Variants in DYNC1LI1 observed in about 807,000 individuals in gnomAD.
The protein encoded by DYNC1LI1 is cytoplasmic dynein 1 light intermediate chain 1.
Under a neutral mutation model 63.8 loss-of-function variants are expected in DYNC1LI1, and 19 were observed. The ratio of observed to expected loss-of-function variants is 0.30; its 90% CI spans 0.21 to 0.44. The LOEUF is 0.44. DYNC1LI1 is among the 20% of genes least tolerant of loss of function. The pLI is 1.00. For missense variants in DYNC1LI1, 565 were observed against 630.2 expected (o/e 0.90, Z 1.11); for synonymous variants, 225 against 232.3 (o/e 0.97, Z 0.28).
At chr3:32,553,586 T>C (rs952092737) in intron 2 of DYNC1LI1, among the ~76,000 whole-genome samples, 1 of 152,240 alleles carries the variant, frequency 6.6e-6, no homozygotes, top group African/African-American at 2.4e-5. Context: ...ACTAGAATTA[T>C]GTCCCTTCGC....
chr3:32,545,456 A>C (rs1427792274), intron 3 of DYNC1LI1: 1 of 338,252 alleles, frequency 3.0e-6, no homozygotes, highest in Non-Finnish European at 5.4e-6. Context: ...ATCATATACA[A>C]AAATGAGAAG....
intron 6 of DYNC1LI1, among the ~76,000 whole-genome samples, chr3:32,534,904 T>C (rs1697754527): frequency 6.6e-6 from 1 of 152,188 alleles, no homozygotes; most frequent in Non-Finnish European, 1.5e-5. Context: ...TAAAGGTAAA[T>C]CTAGAAATAC....
chr3:32,538,034 A>ATAATTTATT (rs1491520089), intron 5 of DYNC1LI1, among the ~76,000 whole-genome samples: 1 of 10,092 alleles, frequency 9.9e-5, no homozygotes, highest in Non-Finnish European at 1.3e-4. Flanking sequence ...TTATATATAT[A>ATAATTTATT]ATATATATAT....
intron 2 of DYNC1LI1, among the ~76,000 whole-genome samples, chr3:32,557,894 A>AGACTG (rs1406804676): frequency 6.6e-6 from 1 of 152,240 alleles, no homozygotes; most frequent in Non-Finnish European, 1.5e-5. Flanking sequence ...CTGTTCAAAC[A>AGACTG]GACTGGATGA....
chr3:32,546,802 T>C (rs1447575753), intron 2 of DYNC1LI1, among the ~76,000 whole-genome samples: 1 of 151,862 alleles, frequency 6.6e-6, no homozygotes, highest in Non-Finnish European at 1.5e-5. Flanking sequence ...GCAGGAGAGA[T>C]GGTGAGAAAA....
At chr3:32,538,481 A>C (rs1362593965) in intron 5 of DYNC1LI1, among the ~76,000 whole-genome samples, 1 of 152,044 alleles carries the variant, frequency 6.6e-6, no homozygotes, top group Admixed American at 6.6e-5. Flanking sequence ...TGGGCAGATC[A>C]CGAGGTCAGG....
intron 6 of DYNC1LI1, 148 bp downstream of exon 6, chr3:32,536,863 T>G (rs1697781273): frequency 1.8e-6 from 1 of 555,238 alleles, no homozygotes; most frequent in African/African-American, 2.0e-5. Context: ...TGTAAATAAT[T>G]TGGGAACTAA....
chr3:32,541,998 A>G (rs566340588), intron 4 of DYNC1LI1, among the ~76,000 whole-genome samples: 19 of 152,378 alleles, frequency 1.2e-4, no homozygotes, highest in African/African-American at 4.1e-4. Context: ...TAAGATGTCA[A>G]GTTTTCAAAG....
At chr3:32,532,483 G>GTATATATATATATATATATATATATA (rs1697712005) in intron 8 of DYNC1LI1, 1 of 105,122 alleles carries the variant, frequency 9.5e-6, no homozygotes, top group African/African-American at 3.6e-5. Context: ...AAAAAAAAAT[G>GTATATATATATATATATATATATATA]TGTGTATATA....
At chr3:32,537,916 TTATATATATAA>T (rs1374454123) in intron 5 of DYNC1LI1, among the ~76,000 whole-genome samples, 1,186 of 35,664 alleles carry the variant, frequency 0.033, 126 homozygotes, top group African/African-American at 0.11. Context: ...TATATATAAT[TTATATATATAA>T]TATATATATA....
chr3:32,562,342 T>C (rs188477524), intron 2 of DYNC1LI1, among the ~76,000 whole-genome samples: 120 of 152,324 alleles, frequency 7.9e-4, no homozygotes, highest in African/African-American at 2.8e-3. Flanking sequence ...TTTCATGTTC[T>C]TTCTTTCCTT....
At chr3:32,532,698 A>T (rs1215929082) in intron 8 of DYNC1LI1, 1 of 269,494 alleles carries the variant, frequency 3.7e-6, no homozygotes, top group East Asian at 1.1e-4. Flanking sequence ...ATATTCACTC[A>T]TGCCAATCTG....
At chr3:32,559,735 T>G (rs1375811809) in intron 2 of DYNC1LI1, among the ~76,000 whole-genome samples, 1 of 152,218 alleles carries the variant, frequency 6.6e-6, no homozygotes, top group Non-Finnish European at 1.5e-5. Flanking sequence ...GACAGGGAAT[T>G]CTAATGTGCT....
At chr3:32,549,187 T>C (rs2125439801) in intron 2 of DYNC1LI1, among the ~76,000 whole-genome samples, 1 of 152,104 alleles carries the variant, frequency 6.6e-6, no homozygotes, top group South Asian at 2.1e-4. Context: ...TTATAAGTAC[T>C]TATAAATCAG....
At chr3:32,529,884 T>C (rs1697672141) in intron 10 of DYNC1LI1, among the ~76,000 whole-genome samples, 1 of 152,050 alleles carries the variant, frequency 6.6e-6, no homozygotes, top group Admixed American at 6.6e-5. Context: ...TCATAGAAAA[T>C]AAAGAACATA....
chr3:32,539,389 C>G (rs933227906), intron 5 of DYNC1LI1, among the ~76,000 whole-genome samples: 1 of 152,044 alleles, frequency 6.6e-6, no homozygotes, highest in Non-Finnish European at 1.5e-5. Context: ...TTTAATTTTA[C>G]ATGTGCAAAT....
chr3:32,550,884 T>C (rs1209979422), intron 2 of DYNC1LI1, among the ~76,000 whole-genome samples: 2 of 152,048 alleles, frequency 1.3e-5, no homozygotes, highest in African/African-American at 2.4e-5. Context: ...ACCCAGAACT[T>C]TGGGAGCCGA....
At chr3:32,565,006 T>C (rs1308787470) in intron 2 of DYNC1LI1, among the ~76,000 whole-genome samples, 1 of 152,198 alleles carries the variant, frequency 6.6e-6, no homozygotes. Context: ...CTTTCACATA[T>C]ACTTATTGAT....
intron 2 of DYNC1LI1, among the ~76,000 whole-genome samples, chr3:32,558,600 C>A (rs1698148015): frequency 6.6e-6 from 1 of 151,974 alleles, no homozygotes; most frequent in Non-Finnish European, 1.5e-5. Context: ...AATCCCAGCA[C>A]TTTGGGAGGC....
Sources: allele counts gnomAD v4.1 joint callset (sites outside exome capture counted in the v4.1 genomes callset), GRCh38; gene constraint gnomAD v4.1.1; transcripts MANE v1.5; gene names NCBI Gene and HGNC (gene_info 2026-07-23, HGNC 2026-07-21).